FANCA: variants seen among roughly 807,000 people sequenced by gnomAD.
FANCA encodes FA complementation group A.
FANCA carries 236 observed loss-of-function variants against 194.3 expected under a neutral mutation model. The ratio of observed to expected loss-of-function variants is 1.21; its 90% CI spans 1.09 to 1.35. The LOEUF (loss-of-function observed/expected upper bound fraction) is 1.35, where lower values mean the gene tolerates loss of function less well. Ranked by LOEUF, FANCA falls within the 40% of genes most tolerant of loss-of-function variation. The pLI, the probability that FANCA is intolerant of heterozygous loss-of-function variation, is 0.00. For missense variants in FANCA, 2,628 were observed against 1,813.9 expected (o/e 1.45, Z -8.15); for synonymous variants, 1,014 against 715.8 (o/e 1.42, Z -6.65).
In FANCA at chr16:89,783,073, G is replaced by A. The variant is rs139276494; in HGVS notation, c.1500C>T (p.Pro500=). The change falls in exon 16 of 43, where the codon CCC becomes CCT. Residue 500 remains proline (P), a synonymous_variant. Transcript: ENST00000389301. Reference sequence around the variant, plus strand: ...CTGTGAGGAGGGAGCGGTACTTGCCGGGAACCAGGGGTGGGTGGAGAATGT... The same window carrying A: ...CTGTGAGGAGGGAGCGGTACTTGCCAGGAACCAGGGGTGGGTGGAGAATGT... The part of the protein sequence containing the change: ...QVHILHPPLV[P]GKYRSLLTDY... 1.2e-5 allele frequency: 19 copies of A among 1,613,668 alleles called. No homozygotes were observed. Among genetic ancestry groups the A allele is most frequent in the East Asian group, 6.7e-5 (3 of 44,876 alleles).
intron 14 of FANCA, 115 bp downstream of exon 14, chr16:89,791,288 T>C: frequency 7.1e-7 from 1 of 1,418,090 alleles, no homozygotes; most frequent in Non-Finnish European, 9.7e-7. Context: ...TCGGCAAAGC[T>C]GACAGCAAGG....
intron 13 of FANCA, 170 bp downstream of exon 13, chr16:89,791,757 G>A (rs995322532): frequency 3.0e-6 from 3 of 993,264 alleles, no homozygotes; most frequent in Middle Eastern, 3.1e-4. Flanking sequence ...AGCAGTCAGT[G>A]CTTATGGAAG....
At chr16:89,785,153 C>T (rs2039855504) in intron 14 of FANCA, among the ~76,000 whole-genome samples, 189 bp from the exon 15 acceptor site, 1 of 152,076 alleles carries the variant, frequency 6.6e-6, no homozygotes, top group African/African-American at 2.4e-5. Context: ...CTGCTGTAGT[C>T]GGCCTCCTAA....
intron 30 of FANCA, among the ~76,000 whole-genome samples, chr16:89,753,230 A>G (rs2038658005): frequency 6.6e-6 from 1 of 152,124 alleles, no homozygotes; most frequent in South Asian, 2.1e-4. Flanking sequence ...GACCTTACCT[A>G]TCATTGGAGG....
At chr16:89,759,704 T>A (rs946874244) in intron 29 of FANCA, among the ~76,000 whole-genome samples, 1 of 152,222 alleles carries the variant, frequency 6.6e-6, no homozygotes, top group African/African-American at 2.4e-5. Flanking sequence ...GAAGCTGCCG[T>A]GAGCCGTGAG....
intron 2 of FANCA, 91 bp downstream of exon 2, chr16:89,815,786 T>G: frequency 1.9e-6 from 2 of 1,080,902 alleles, no homozygotes; most frequent in Non-Finnish European, 2.9e-6. Context: ...GCCCGCCGCC[T>G]CGGGTGTTTT....
intron 8 of FANCA, among the ~76,000 whole-genome samples, chr16:89,801,682 G>A (rs1291498321): frequency 6.6e-6 from 1 of 152,108 alleles, no homozygotes; most frequent in Non-Finnish European, 1.5e-5. Context: ...GAGGTCAAGA[G>A]ATCGAGACCA....
chr16:89,759,318 T>TAACAAAAAAAAAAAAAAAAAAAAAAA (rs2038866330), intron 29 of FANCA, among the ~76,000 whole-genome samples: 1 of 75,180 alleles, frequency 1.3e-5, no homozygotes, highest in African/African-American at 5.1e-5. Context: ...AGACTCCGTC[T>TAACAAAAAAAAAAAAAAAAAAAAAAA]AAAAAAAAAA....
At chr16:89,792,429 C>G in intron 12 of FANCA, 42 bp downstream of exon 12, 1 of 1,585,822 alleles carries the variant, frequency 6.3e-7, no homozygotes, top group Non-Finnish European at 8.7e-7. Context: ...TTAATCCCCC[C>G]GCCACGAGCT....
intron 28 of FANCA, among the ~76,000 whole-genome samples, chr16:89,763,295 G>C (rs1718729558): frequency 6.6e-6 from 1 of 151,830 alleles, no homozygotes; most frequent in African/African-American, 2.4e-5. Flanking sequence ...TTCACAAAAG[G>C]CTTGGCACAG....
At chr16:89,738,772 G>T (rs1332801857) in intron 42 of FANCA, 64 bp from the exon 43 acceptor site, 6 of 1,612,292 alleles carry the variant, frequency 3.7e-6, no homozygotes, top group Admixed American at 1.7e-5. Flanking sequence ...CAGGGGAGGG[G>T]CTCTGGCAGA....
At chr16:89,806,594 ATC>A (rs1331554750) in intron 6 of FANCA, among the ~76,000 whole-genome samples, 1 of 151,972 alleles carries the variant, frequency 6.6e-6, no homozygotes, top group Non-Finnish European at 1.5e-5. Flanking sequence ...AACAAAGCAT[ATC>A]TTGCACCGCC....
intron 20 of FANCA, 80 bp downstream of exon 20, chr16:89,778,721 C>A: frequency 2.2e-6 from 3 of 1,338,468 alleles, no homozygotes; most frequent in South Asian, 2.3e-5. Context: ...TAACAAATTT[C>A]TCTACAGAAG....
intron 20 of FANCA, among the ~76,000 whole-genome samples, chr16:89,777,709 C>A (rs1183554878): frequency 3.9e-5 from 6 of 152,074 alleles, no homozygotes; most frequent in Admixed American, 3.9e-4. Context: ...TTACTAGAAA[C>A]CTGCAATGTA....
At chr16:89,743,771 C>G (rs187773714) in intron 36 of FANCA, among the ~76,000 whole-genome samples, 1 of 152,048 alleles carries the variant, frequency 6.6e-6, no homozygotes, top group Admixed American at 6.5e-5. Flanking sequence ...CATGGTGAGC[C>G]GAGATCGTGC....
rs1174066219 is a variant in FANCA at position 89,778,965 on chromosome 16, G to A, written c.1754C>T (p.Pro585Leu). ...GACCACTCGAGGTGTGAGCAGGGCG[G>A]GGAGGAAGTGGGACACGTAGTAAGG... Reference protein sequence around the residue: ...RRPYYVSHFLPALLTPRVLPK... With the variant: ...RRPYYVSHFLLALLTPRVLPK... The change falls in exon 19 of 43, where the codon CCC becomes CTC. Residue 585 changes from proline (P) to leucine (L), a missense_variant. By Grantham distance (98) the Pro-to-Leu change is moderately conservative. Transcript: ENST00000389301. The A allele has an allele frequency of 6.2e-7, 1 of 1,614,088 alleles. No homozygotes were observed. The highest frequency in any genetic ancestry group is 1.7e-5 in the Admixed American group (1 of 60,010).
chr16:89,749,249 G>C (rs1178801740), intron 32 of FANCA, among the ~76,000 whole-genome samples: 1 of 152,184 alleles, frequency 6.6e-6, no homozygotes, highest in African/African-American at 2.4e-5. Flanking sequence ...GTCTCGCTCT[G>C]TTGCCCAGGC....
In FANCA at chr16:89,749,794, G is replaced by A. The variant is rs964650941; in HGVS notation, c.3175C>T (p.Leu1059=). 2 of 1,614,260 alleles carry A rather than the reference G, an allele frequency of 1.2e-6. No homozygotes were observed. The highest frequency in any genetic ancestry group is 3.3e-5 in the Admixed American group (2 of 60,030). Residue 1059 remains leucine (L), a synonymous_variant, in exon 32 of 43, where the codon CTG becomes TTG. Transcript: ENST00000389301. ...GCAGCCACGCTCCACCCGCTTGTCA[G>A]AGCCTGGAGCCGTCTGCGGAAAATC... The part of the protein sequence containing the change: ...FEIFRRRLQA[L]TSGWSVAASL...
chr16:89,803,364 T>G (rs768003839), intron 7 of FANCA, 23 bp from the exon 8 acceptor site: 1 of 1,599,284 alleles, frequency 6.3e-7, no homozygotes, highest in East Asian at 2.2e-5. Context: ...AAAACCAAAG[T>G]TATTTATGGA....
Sources: gnomAD v4.1 joint callset for allele counts (sites outside exome capture counted in the v4.1 genomes callset) on GRCh38, gnomAD v4.1.1 for gene constraint, MANE v1.5 for transcripts, NCBI Gene and HGNC (gene_info 2026-07-23, HGNC 2026-07-21) for gene names.